Variants in SOX5 observed in about 807,000 individuals in gnomAD.
SOX5 encodes the protein transcription factor SOX-5.
A neutral mutation model predicts 92.0 loss-of-function variants in SOX5; 9 were observed. The ratio of observed to expected loss-of-function variants is 0.10; its 90% CI spans 0.06 to 0.17. SOX5 has a LOEUF of 0.17. Ranked by LOEUF, SOX5 falls within the 10% of genes least tolerant of loss-of-function variation. The pLI is 1.00. For missense variants in SOX5, 642 were observed against 944.5 expected (o/e 0.68, Z 4.20); for synonymous variants, 344 against 336.3 (o/e 1.02, Z -0.25).
At chr12:24,128,674 A>G (rs1949349727) in intron 4 of SOX5, among the ~76,000 whole-genome samples, 2 of 152,202 alleles carry the variant, frequency 1.3e-5, no homozygotes, top group South Asian at 2.1e-4. Flanking sequence ...TGACAGAGGT[A>G]AGCAGAAGCC....
chr12:24,258,654 A>C (rs1369211110), intron 3 of SOX5, among the ~76,000 whole-genome samples: 1 of 152,236 alleles, frequency 6.6e-6, no homozygotes, highest in East Asian at 1.9e-4. Context: ...GGAATTGTGG[A>C]AAATAAACTA....
chr12:23,706,510 A>C (rs772711715), intron 6 of SOX5, among the ~76,000 whole-genome samples: 1 of 152,070 alleles, frequency 6.6e-6, no homozygotes, highest in African/African-American at 2.4e-5. Context: ...AAAAGTTGGA[A>C]AGTCTAGAAC....
intron 2 of SOX5, among the ~76,000 whole-genome samples, chr12:24,279,848 T>C (rs1353832900): frequency 6.6e-6 from 1 of 152,184 alleles, no homozygotes; most frequent in East Asian, 1.9e-4. Flanking sequence ...AAATTTGTTT[T>C]CTGACCCTCT....
chr12:23,966,287 T>C (rs2140083582), intron 4 of SOX5, among the ~76,000 whole-genome samples: 1 of 138,698 alleles, frequency 7.2e-6, no homozygotes, highest in Non-Finnish European at 1.5e-5. Context: ...CCTACCAGAA[T>C]GAGGGAAGAA....
At chr12:23,534,961 C>T (rs1450351747) in intron 14 of SOX5, among the ~76,000 whole-genome samples, 2 of 152,074 alleles carry the variant, frequency 1.3e-5, no homozygotes, top group African/African-American at 2.4e-5. Context: ...CCACCTGCCT[C>T]GGCCTCCCAA....
At chr12:23,646,340 A>G (rs1489527108) in intron 7 of SOX5, among the ~76,000 whole-genome samples, 1 of 152,004 alleles carries the variant, frequency 6.6e-6, no homozygotes, top group East Asian at 1.9e-4. Flanking sequence ...CCAACCAGCT[A>G]ATTTTTTGTA....
chr12:24,408,311 TTTAA>T (rs1292539252), intron 1 of SOX5, among the ~76,000 whole-genome samples: 1 of 152,220 alleles, frequency 6.6e-6, no homozygotes. Flanking sequence ...AAATGTTGTG[TTTAA>T]TTAAACATTT....
chr12:23,973,249 C>T (rs559567492), intron 4 of SOX5, among the ~76,000 whole-genome samples: 2 of 150,126 alleles, frequency 1.3e-5, no homozygotes, highest in African/African-American at 4.9e-5. Context: ...GCAACCTCTG[C>T]CTCCTGGGTT....
intron 6 of SOX5, among the ~76,000 whole-genome samples, chr12:23,733,516 A>T (rs1417574023): frequency 6.6e-6 from 1 of 152,130 alleles, no homozygotes; most frequent in East Asian, 1.9e-4. Context: ...CGGCTGGAAC[A>T]TCTCACTGAA....
chr12:24,276,647 G>C (rs1435166804), intron 3 of SOX5, among the ~76,000 whole-genome samples: 3 of 152,108 alleles, frequency 2.0e-5, no homozygotes, highest in Non-Finnish European at 4.4e-5. Flanking sequence ...GTTCCCAAGA[G>C]TATAACATTT....
At position 23,572,092 on chromosome 12, in the gene SOX5, C is replaced by T. The variant is rs183992072; in HGVS notation, c.1342+3569G>A. On this transcript the variant is annotated intron_variant, in intron 10 of 14. Transcript: ENST00000451604. ...TTCCTTTGGAGCTGCCTATCATTTG[C>T]GTACCATATCAAAAGCATTCTTATA... Among the ~76,000 whole-genome samples, 9 of 152,262 alleles carry T rather than the reference C, an allele frequency of 5.9e-5. No individual in the cohort carries two copies. The East Asian group carries it at 9.6e-4, about 16-fold the overall frequency.
At chr12:23,902,879 T>C (rs1005554262) in intron 1 of SOX5, among the ~76,000 whole-genome samples, 3 of 152,214 alleles carry the variant, frequency 2.0e-5, no homozygotes, top group Non-Finnish European at 2.9e-5. Context: ...GTATAATTCC[T>C]AGCACATAGT....
chr12:24,167,436 A>G (rs1156406713), intron 4 of SOX5, among the ~76,000 whole-genome samples: 2 of 152,226 alleles, frequency 1.3e-5, no homozygotes, highest in Non-Finnish European at 2.9e-5. Context: ...GGAAGAGATA[A>G]GCTGAATTCA....
At chr12:23,576,139 A>G (rs1457444223) in intron 9 of SOX5, among the ~76,000 whole-genome samples, 3 of 152,118 alleles carry the variant, frequency 2.0e-5, no homozygotes, top group Admixed American at 2.0e-4. Context: ...TGCTATATTC[A>G]TTTGTATTGA....
chr12:23,904,766 C>A (rs543203777), intron 1 of SOX5, among the ~76,000 whole-genome samples: 79 of 152,236 alleles, frequency 5.2e-4, no homozygotes, highest in Non-Finnish European at 1.0e-3. Flanking sequence ...CTGAGATGTT[C>A]TCTGCATTGA....
intron 6 of SOX5, among the ~76,000 whole-genome samples, chr12:23,673,892 T>C (rs2085218293): frequency 6.6e-6 from 1 of 152,034 alleles, no homozygotes. Flanking sequence ...TTATATACTT[T>C]AAAAGGGTAA....
chr12:24,315,890 T>C (rs1949653726), intron 2 of SOX5, among the ~76,000 whole-genome samples: 1 of 152,180 alleles, frequency 6.6e-6, no homozygotes, highest in Non-Finnish European at 1.5e-5. Flanking sequence ...GTGCCAAATA[T>C]CTGTTCAACT....
intron 4 of SOX5, among the ~76,000 whole-genome samples, chr12:24,049,188 A>C (rs1358191873): frequency 6.6e-6 from 1 of 152,208 alleles, no homozygotes; most frequent in Non-Finnish European, 1.5e-5. Flanking sequence ...GTTTTCTTCT[A>C]TCATTTTCCC....
At chr12:23,835,402 C>T (rs528436360) in intron 3 of SOX5, among the ~76,000 whole-genome samples, 1 of 151,938 alleles carries the variant, frequency 6.6e-6, no homozygotes, top group South Asian at 2.1e-4. Context: ...CTGTCTTGGT[C>T]TCTCTCTTTC....
Sources: allele counts gnomAD v4.1 joint callset (sites outside exome capture counted in the v4.1 genomes callset), GRCh38; gene constraint gnomAD v4.1.1; transcripts MANE v1.5; gene names NCBI Gene and HGNC (gene_info 2026-07-23, HGNC 2026-07-21).